Variants in DCST2 observed in about 807,000 individuals in gnomAD.
The protein encoded by DCST2 is DC-STAMP domain containing 2, also known as DC-STAMP domain-containing protein 2.
In DCST2, 64 loss-of-function variants were observed where a neutral mutation model predicts 81.8. That is an observed-to-expected ratio of 0.78 (90% CI 0.64 to 0.96). DCST2 has a LOEUF of 0.96. DCST2 is among the 40% of genes least tolerant of loss of function. The pLI is 0.00. For synonymous variants in DCST2, 354 were observed against 402.6 expected (o/e 0.88, Z 1.44); for missense variants, 945 against 1,001.4 (o/e 0.94, Z 0.76).
In DCST2 at chr1:155,023,236, G is replaced by A; in HGVS notation, c.1986C>T (p.Gly662=). ...GAGCTGCAGCCAGCCATAGCTGAGG[G>A]CCCTCCTCATCGCTGGAGTCCCTGG... ...DLELDSSDEE[G]PQLWLAAAQR... The change falls in exon 14 of 15, where the codon GGC becomes GGT. Residue 662 remains glycine (G), a synonymous_variant. Transcript: ENST00000368424. 1 of 1,614,148 alleles carries A rather than the reference G, an allele frequency of 6.2e-7. No homozygotes were observed. The highest frequency in any genetic ancestry group is 2.2e-5 in the East Asian group (1 of 44,886).
chr1:155,023,641 G>C, intron 12 of DCST2, 184 bp from the exon 13 acceptor site: 1 of 1,548,974 alleles, frequency 6.5e-7, no homozygotes, highest in Non-Finnish European at 8.7e-7. Context: ...ATACCCGGGA[G>C]AATAAAGGCA....
chr1:155,027,135 T>C lies in DCST2; in HGVS notation c.1343-420A>G, dbSNP rs1014712547. On this transcript the variant is annotated intron_variant, in intron 8 of 14. Coordinates refer to ENST00000368424, the MANE Select transcript of DCST2 (RefSeq NM_144622.3). ...GCAGCCTCAACTTCCCAGGTTTGAG[T>C]GATTCTCCTGCCTCAGCCTCCCAAG... Among the ~76,000 whole-genome samples, 77 of 151,058 alleles carry C rather than the reference T, an allele frequency of 5.1e-4. 1 individual carries two copies. The highest frequency in any genetic ancestry group is 1.9e-3 in the African/African-American group (77 of 41,096).
intron 14 of DCST2, among the ~76,000 whole-genome samples, chr1:155,020,421 G>A (rs1659718664): frequency 6.6e-6 from 1 of 152,202 alleles, no homozygotes; most frequent in Admixed American, 6.5e-5. Flanking sequence ...CCAGGCTGGA[G>A]TGCAGTGGCA....
intron 8 of DCST2, 28 bp from the exon 9 acceptor site, chr1:155,026,743 A>G: frequency 6.2e-7 from 1 of 1,612,180 alleles, no homozygotes; most frequent in South Asian, 1.1e-5. Context: ...TGTGAGTGAC[A>G]CTCATGGCAG....
intron 10 of DCST2, among the ~76,000 whole-genome samples, chr1:155,025,198 T>A (rs6682611): frequency 0.41 from 62,289 of 151,130 alleles, 13,804 homozygotes; most frequent in East Asian, 0.88. Flanking sequence ...GCCTCGAATC[T>A]GTGAGCTCCA....
At position 155,023,851 on chromosome 1, in the gene DCST2, G is replaced by A. The variant is rs759553067; in HGVS notation, c.1851C>T (p.Cys617=). Residue 617 remains cysteine, a synonymous_variant, in exon 12 of 15, where the codon TGC becomes TGT. Coordinates refer to ENST00000368424, the MANE Select transcript of DCST2 (RefSeq NM_144622.3). ...TCTCACCTTGGCAGCCGGGGGTACT[G>A]CAGGACACAGTGTTCTCCATGTCTC... ...DEGDMENTVS[C]STPGCQGLYC... is the part of the protein sequence containing the mutation. 1.2e-6 allele frequency: 2 copies of A among 1,613,650 alleles called. No homozygotes were observed. The highest frequency in any genetic ancestry group is 2.2e-5 in the South Asian group (2 of 90,982).
Position 155,032,693 on chromosome 1 carries a change from G to T in DCST2, c.515C>A (p.Ser172Ter). The T allele has an allele frequency of 1.9e-6, 3 of 1,613,940 alleles. No individual in the cohort carries two copies. In the South Asian group the frequency reaches 3.3e-5, roughly 18 times the overall value. ...TATGTGTTTCACACCATCCATGATT[G>T]ACCGAAAGAACTTGCGGACCCGGTC... is the stretch of plus-strand genomic sequence containing the variant. ...VADRVRKFFRSIMDGVKHIAR... is the reference protein window; with the variant it reads ...VADRVRKFFR Residue 172 changes from serine to a stop codon, truncating the protein, a stop_gained, in exon 3 of 15, where the codon TCA becomes TAA. Coordinates refer to ENST00000368424, the MANE Select transcript of DCST2 (RefSeq NM_144622.3). LOFTEE classifies it high-confidence loss of function.
rs1212925879 is a variant in DCST2, at chr1:155,026,044, C to G, written c.1611+258G>C. The stretch of plus-strand genomic sequence containing the variant: ...CTCCCCCGTCCCTCATCCCCCACCC[C>G]CTCAACACCCCTGTGATTTTAACAA... On this transcript the variant is annotated intron_variant, in intron 10 of 14. Coordinates refer to ENST00000368424, the MANE Select transcript of DCST2 (RefSeq NM_144622.3). 4.0e-5 allele frequency among the ~76,000 whole-genome samples: 6 copies of G among 151,856 alleles called. No homozygotes were observed. In the East Asian group the frequency reaches 1.2e-3, roughly 29 times the overall value.
At chr1:155,025,855 A>C (rs981502067) in intron 10 of DCST2, among the ~76,000 whole-genome samples, 6 of 149,730 alleles carry the variant, frequency 4.0e-5, no homozygotes, top group South Asian at 2.1e-4. Context: ...CTGGCGTTTT[A>C]TTTTCTTTTT....
intron 14 of DCST2, among the ~76,000 whole-genome samples, chr1:155,019,080 T>G (rs1659667225): frequency 6.6e-6 from 1 of 152,140 alleles, no homozygotes; most frequent in South Asian, 2.1e-4. Context: ...CACTGGGCCC[T>G]CTAGAACCTC....
intron 14 of DCST2, among the ~76,000 whole-genome samples, chr1:155,022,485 C>A (rs1659782823): frequency 6.6e-6 from 1 of 152,190 alleles, no homozygotes; most frequent in South Asian, 2.1e-4. Context: ...AATCCCAGCA[C>A]TTTGGAAGGC....
At chr1:155,025,833 A>C (rs546619247) in intron 10 of DCST2, among the ~76,000 whole-genome samples, 33 of 150,678 alleles carry the variant, frequency 2.2e-4, no homozygotes, top group Non-Finnish European at 3.8e-4. Context: ...CTACAGGCAC[A>C]CACCACCATG....
chr1:155,030,940 T>C (rs1406079372), intron 5 of DCST2: 2 of 614,952 alleles, frequency 3.3e-6, no homozygotes, highest in Non-Finnish European at 5.7e-6. Flanking sequence ...CTGGTTCTGT[T>C]CCCAGCTCCT....
intron 14 of DCST2, among the ~76,000 whole-genome samples, chr1:155,019,768 G>GA (rs35659598): frequency 0.58 from 88,001 of 152,158 alleles, 26,035 homozygotes; most frequent in East Asian, 0.9. Context: ...ATTTGCCAGA[G>GA]AAAATCACAT....
At position 155,032,743 on chromosome 1, in the gene DCST2, A is replaced by C; in HGVS notation, c.465T>G (p.Ile155Met). Residue 155 changes from isoleucine (I) to methionine (M), a missense_variant, in exon 3 of 15, where the codon ATT (isoleucine) becomes ATG (methionine). Transcript: ENST00000368424. ...LVSALNKIKA[I>M]ARKTKEVADR... Reference sequence around the variant, plus strand: ...CAGCCACCTCTTTGGTCTTCCGGGCAATAGCTTTAATCTTGTTCAGGGCAC... The same window carrying C: ...CAGCCACCTCTTTGGTCTTCCGGGCCATAGCTTTAATCTTGTTCAGGGCAC... 1 of 1,614,156 alleles carries C rather than the reference A, an allele frequency of 6.2e-7. No homozygotes were observed. The highest frequency in any genetic ancestry group is 8.5e-7 in the Non-Finnish European group (1 of 1,180,010).
intron 8 of DCST2, among the ~76,000 whole-genome samples, chr1:155,027,428 G>A (rs1043221000): frequency 4.2e-5 from 6 of 143,092 alleles, no homozygotes; most frequent in South Asian, 2.5e-4. Flanking sequence ...TTACAGGTGT[G>A]AGCCACCGAG....
rs1659915688 is a variant in DCST2, at chr1:155,026,536, T to C, written c.1510+12A>G. 2 of 1,613,870 alleles carry C rather than the reference T, an allele frequency of 1.2e-6. No homozygotes were observed. The highest frequency in any genetic ancestry group is 2.7e-5 in the African/African-American group (2 of 74,950). ...GTCCACGCCCCCAGGGACCTCAGGG[T>C]GTAGTTGATACCAATGACTATGTAG... On this transcript the variant is annotated intron_variant, in intron 9 of 14. Coordinates refer to ENST00000368424, the MANE Select transcript of DCST2 (RefSeq NM_144622.3).
At position 155,023,384 on chromosome 1, in the gene DCST2, CT is replaced by C. The variant is rs753323122; in HGVS notation, c.1943del (p.Gln648ArgfsTer?). 1.5e-5 allele frequency: 24 copies of C among 1,608,604 alleles called. No homozygotes were observed. Among genetic ancestry groups the C allele is most frequent in the Non-Finnish European group, 2.5e-6 (3 of 1,177,400 alleles). On this transcript the variant is annotated frameshift_variant, in exon 13 of 15. Coordinates refer to ENST00000368424, the MANE Select transcript of DCST2 (RefSeq NM_144622.3). LOFTEE classifies it high-confidence loss of function. ...CSVCASPLSY[Q>X]GDLDLELDSS... is the part of the protein sequence containing the mutation. ...CTCACAGCTCCAGGTCCAGGTCCCC[CT>C]GGTAGGAGAGGGGAGATGCACACAC...
intron 5 of DCST2, 135 bp downstream of exon 5, chr1:155,031,034 G>A: frequency 1.1e-6 from 1 of 939,360 alleles, no homozygotes; most frequent in Non-Finnish European, 1.6e-6. Flanking sequence ...GGGCCTGGGT[G>A]ATCACTTGAG....
Sources: gnomAD v4.1 joint callset for allele counts (sites outside exome capture counted in the v4.1 genomes callset) on GRCh38, gnomAD v4.1.1 for gene constraint, MANE v1.5 for transcripts, NCBI Gene and HGNC (gene_info 2026-07-23, HGNC 2026-07-21) for gene names.